The following ATE1 variants were observed in gnomAD, a reference collection of about 807,000 sequenced individuals.
The protein encoded by ATE1 is arginyltransferase 1.
A neutral mutation model predicts 70.5 loss-of-function variants in ATE1; 36 were observed. That is an observed-to-expected ratio of 0.51 (90% CI 0.39 to 0.67). The LOEUF (loss-of-function observed/expected upper bound fraction) is 0.67. Among genes scored for constraint, ATE1 ranks in the 30% least tolerant of loss-of-function variants. ATE1 has a pLI of 0.00. For missense variants in ATE1, 593 were observed against 629.5 expected, an observed-to-expected ratio of 0.94 and a Z score of 0.62; for synonymous variants, 232 against 219.3, an observed-to-expected ratio of 1.06 and a Z score of -0.51.
At chr10:121,801,839 TAG>T (rs1196979703) in intron 10 of ATE1, among the ~76,000 whole-genome samples, 2 of 152,020 alleles carry the variant, frequency 1.3e-5, no homozygotes, top group East Asian at 3.9e-4. Context: ...CTACTCCTGC[TAG>T]AGAGAACTGA....
At chr10:121,910,296 T>C (rs946362644) in intron 5 of ATE1, among the ~76,000 whole-genome samples, 1 of 152,176 alleles carries the variant, frequency 6.6e-6, no homozygotes, top group African/African-American at 2.4e-5. Context: ...AATAAACTAA[T>C]AACCATCCAA....
chr10:121,928,132 C>T, upstream of ATE1: 1 of 1,245,236 alleles, frequency 8.0e-7, no homozygotes, highest in Non-Finnish European at 1.0e-6. Context: ...CCATCTTGAC[C>T]GAGGGCAGCT....
chr10:121,886,195 T>A (rs12245018), intron 7 of ATE1, among the ~76,000 whole-genome samples: 1 of 152,016 alleles, frequency 6.6e-6, no homozygotes, highest in Non-Finnish European at 1.5e-5. Flanking sequence ...AACATCATTT[T>A]GTTATAACTT....
chr10:121,842,131 TCTC>T (rs765058311), intron 8 of ATE1, among the ~76,000 whole-genome samples: 1 of 152,150 alleles, frequency 6.6e-6, no homozygotes, highest in African/African-American at 2.4e-5. Flanking sequence ...CTATGATACT[TCTC>T]CTTATTAGTC....
chr10:121,785,004 G>A (rs919318359), intron 11 of ATE1, among the ~76,000 whole-genome samples: 15 of 152,234 alleles, frequency 9.9e-5, no homozygotes, highest in African/African-American at 3.6e-4. Context: ...AAATTTCCAA[G>A]ACATTTTCTT....
At chr10:121,804,966 G>GT (rs1947038438) in intron 10 of ATE1, among the ~76,000 whole-genome samples, 1 of 152,082 alleles carries the variant, frequency 6.6e-6, no homozygotes, top group African/African-American at 2.4e-5. Flanking sequence ...AGACTCCACT[G>GT]TGTGTTTGTG....
At chr10:121,766,340 G>A (rs1415442431) in intron 11 of ATE1, among the ~76,000 whole-genome samples, 1 of 152,032 alleles carries the variant, frequency 6.6e-6, no homozygotes, top group Non-Finnish European at 1.5e-5. Flanking sequence ...ATAAGACAGG[G>A]GGCCTTCCAC....
At chr10:121,801,779 AGAGT>A (rs1409363338) in intron 10 of ATE1, among the ~76,000 whole-genome samples, 4 of 152,012 alleles carry the variant, frequency 2.6e-5, no homozygotes, top group Non-Finnish European at 5.9e-5. Flanking sequence ...CACCTAGACA[AGAGT>A]GAGGGGGCTG....
At chr10:121,847,627 ATGTG>A in intron 8 of ATE1, among the ~76,000 whole-genome samples, 2 of 146,886 alleles carry the variant, frequency 1.4e-5, no homozygotes, top group African/African-American at 2.5e-5. Flanking sequence ...GCGTGGTGGC[ATGTG>A]CCTGTAATCC....
At chr10:121,854,688 A>C (rs1949180756) in intron 8 of ATE1, among the ~76,000 whole-genome samples, 1 of 152,188 alleles carries the variant, frequency 6.6e-6, no homozygotes, top group South Asian at 2.1e-4. Flanking sequence ...AAAGGAAAAA[A>C]AACGGTCAGG....
At chr10:121,791,075 TG>T (rs1946429120) in intron 10 of ATE1, among the ~76,000 whole-genome samples, 2 of 55,778 alleles carry the variant, frequency 3.6e-5, no homozygotes, top group African/African-American at 1.1e-4. Context: ...TGTGTGTGTG[TG>T]TGTGTGTGTG....
chr10:121,865,603 G>A (rs1422404900), intron 8 of ATE1, among the ~76,000 whole-genome samples: 3 of 152,122 alleles, frequency 2.0e-5, no homozygotes, highest in East Asian at 1.9e-4. Context: ...GCCGGGGTCC[G>A]GTGTAAGCCT....
chr10:121,839,177 C>A (rs1948539006), intron 9 of ATE1, among the ~76,000 whole-genome samples: 1 of 152,172 alleles, frequency 6.6e-6, no homozygotes, highest in African/African-American at 2.4e-5. Flanking sequence ...TGACCTCAGG[C>A]TCCTCTCCTG....
intron 10 of ATE1, among the ~76,000 whole-genome samples, chr10:121,815,280 C>T (rs942152283): frequency 1.3e-5 from 2 of 152,142 alleles, no homozygotes; most frequent in Non-Finnish European, 2.9e-5. Context: ...GGACTACAGG[C>T]GCCCGCCACC....
chr10:121,858,660 A>ATATATATATAATATATATTT (rs57713573), intron 8 of ATE1, among the ~76,000 whole-genome samples: 121,428 of 139,038 alleles, frequency 0.87, 53,283 homozygotes, highest in Middle Eastern at 0.96. Context: ...TATACATATA[A>ATATATATATAATATATATTT]TATATATATA....
intron 5 of ATE1, among the ~76,000 whole-genome samples, chr10:121,904,986 G>A (rs1177457255): frequency 6.6e-6 from 1 of 152,140 alleles, no homozygotes; most frequent in Non-Finnish European, 1.5e-5. Flanking sequence ...TTACTCTACT[G>A]ACCAACAGAA....
intron 11 of ATE1, among the ~76,000 whole-genome samples, chr10:121,779,288 C>T (rs1267974968): frequency 3.9e-5 from 6 of 152,172 alleles, no homozygotes; most frequent in Non-Finnish European, 8.8e-5. Context: ...GAAGAAGCAT[C>T]ACATCTACAT....
In ATE1 at chr10:121,751,006, G is replaced by C. The variant is rs564783535; in HGVS notation, c.1379-7148C>G. Among the ~76,000 whole-genome samples the C allele has an allele frequency of 7.2e-5, 11 of 152,286 alleles. No homozygotes were observed. In the South Asian group the frequency reaches 2.3e-3, roughly 32 times the overall value. The stretch of plus-strand genomic sequence containing the variant: ...GACAGGAAAGGTGAGAAGAAAGGAA[G>C]CTTTTCAGCATAAAATAGCAAAAGA... On this transcript the variant is annotated intron_variant, in intron 11 of 11. Transcript: ENST00000224652.
chr10:121,814,595 G>A (rs945448172), intron 10 of ATE1, among the ~76,000 whole-genome samples: 5 of 152,136 alleles, frequency 3.3e-5, no homozygotes, highest in African/African-American at 1.2e-4. Flanking sequence ...AAAGTGTGAA[G>A]TATGAAAAAA....
Sources: gnomAD v4.1 joint callset for allele counts (sites outside exome capture counted in the v4.1 genomes callset) on GRCh38, gnomAD v4.1.1 for gene constraint, MANE v1.5 for transcripts, NCBI Gene and HGNC (gene_info 2026-07-23, HGNC 2026-07-21) for gene names.